The following DOP1B variants were observed in gnomAD, a reference collection of about 807,000 sequenced individuals.
The protein encoded by DOP1B is protein DOP1B.
DOP1B carries 174 observed loss-of-function variants against 233.5 expected under a neutral mutation model. The ratio of observed to expected loss-of-function variants is 0.75; its 90% CI spans 0.66 to 0.85. The LOEUF (loss-of-function observed/expected upper bound fraction) is 0.85. Ranked by LOEUF, DOP1B falls within the 40% of genes least tolerant of loss-of-function variation. DOP1B has a pLI of 0.00. For synonymous variants in DOP1B, 1,190 were observed against 1,185.6 expected (o/e 1.00, Z -0.08); for missense variants, 2,652 against 2,846.6 (o/e 0.93, Z 1.56).
rs748822536 is a variant in DOP1B, at chr21:36,247,535, A to C, written c.4716A>C (p.Glu1572Asp). Residue 1572 changes from glutamate to aspartate, a missense_variant, in exon 20 of 37, where the codon GAA becomes GAC. This residue lies in a region of DOP1B where 2,617 missense variants were observed against 2,794.3 expected (regional missense o/e 0.94). Coordinates refer to ENST00000691173, the MANE Select transcript of DOP1B (RefSeq NM_001320714.2). ...ACCACAGCACAACCTCCAAGAGGGA[A>C]AACATTTCTCCAGATTATCCACTCA... ...KLSVSTTSKRENISPDYPLTL... is the reference protein window; with the variant it reads ...KLSVSTTSKRDNISPDYPLTL... The C allele has an allele frequency of 6.2e-7, 1 of 1,605,446 alleles. No homozygotes were observed. The highest frequency in any genetic ancestry group is 8.5e-7 in the Non-Finnish European group (1 of 1,177,776).
intron 14 of DOP1B, 52 bp from the exon 15 acceptor site, chr21:36,232,752 C>T (rs922431038): frequency 7.5e-6 from 12 of 1,605,022 alleles, no homozygotes; most frequent in Non-Finnish European, 1.0e-5. Flanking sequence ...ACTGGGGACC[C>T]ATTCTCACGT....
intron 23 of DOP1B, among the ~76,000 whole-genome samples, chr21:36,254,568 ACT>A (rs2067070802): frequency 6.6e-6 from 1 of 152,142 alleles, no homozygotes; most frequent in Non-Finnish European, 1.5e-5. Context: ...GGAGATCGAG[ACT>A]CTGTCTTTCT....
intron 1 of DOP1B, among the ~76,000 whole-genome samples, chr21:36,158,747 G>A (rs1344039966): frequency 1.3e-5 from 2 of 150,068 alleles, no homozygotes; most frequent in East Asian, 3.9e-4. Flanking sequence ...AGGTTGCAGT[G>A]AGCCGAAATG....
In DOP1B at chr21:36,164,881, G is replaced by T. The variant is rs372233790; in HGVS notation, c.138+10G>T. The T allele has an allele frequency of 6.7e-5, 105 of 1,566,664 alleles. No homozygotes were observed. Among genetic ancestry groups the T allele is most frequent in the Non-Finnish European group, 8.7e-5 (101 of 1,158,544 alleles). ...TGGCAAACTCAACAAGGTATGTAGG[G>T]TGTATCCTATTTGGATTGCATGGAG... On this transcript the variant is annotated intron_variant, in intron 2 of 36. Coordinates refer to ENST00000691173, the MANE Select transcript of DOP1B (RefSeq NM_001320714.2).
At position 36,247,588 on chromosome 21, in the gene DOP1B, G is replaced by A; in HGVS notation, c.4769G>A (p.Ser1590Asn). 6.2e-7 allele frequency: 1 copy of A among 1,607,812 alleles called. No homozygotes were observed. The change falls in exon 20 of 37, where the codon AGT becomes AAT. Residue 1590 changes from serine (S) to asparagine (N), a missense_variant. By Grantham distance (46) the Ser-to-Asn change is conservative (BLOSUM62 1). This residue lies in a region of DOP1B where 2,617 missense variants were observed against 2,794.3 expected (regional missense o/e 0.94). Coordinates refer to ENST00000691173, the MANE Select transcript of DOP1B (RefSeq NM_001320714.2). Reference protein sequence around the residue: ...LTLLEGLTTISHFCLLEQANQ... With the variant: ...LTLLEGLTTINHFCLLEQANQ... Reference sequence around the variant, plus strand: ...CTTCTAGAAGGTCTAACGACCATTAGTCATTTTTGTCTTTTGGAACAAGCC... The same window carrying A: ...CTTCTAGAAGGTCTAACGACCATTAATCATTTTTGTCTTTTGGAACAAGCC...
intron 23 of DOP1B, among the ~76,000 whole-genome samples, chr21:36,256,124 C>T (rs1038589462): frequency 1.3e-5 from 2 of 152,068 alleles, no homozygotes; most frequent in African/African-American, 4.8e-5. Context: ...TGCCTTCTGT[C>T]GAACAGTTTA....
intron 32 of DOP1B, among the ~76,000 whole-genome samples, chr21:36,284,017 G>A (rs1441299221): frequency 7.6e-6 from 1 of 131,784 alleles, no homozygotes; most frequent in African/African-American, 2.9e-5. Flanking sequence ...GCACAATCTC[G>A]GCTCACTGCA....
intron 26 of DOP1B, among the ~76,000 whole-genome samples, chr21:36,268,142 T>C (rs543230486): frequency 6.6e-6 from 1 of 152,226 alleles, no homozygotes; most frequent in African/African-American, 2.4e-5. Context: ...AGCCTGAGGG[T>C]ACTGCAGGAG....
chr21:36,238,014 A>G (rs1484787441), intron 16 of DOP1B, among the ~76,000 whole-genome samples: 1 of 152,118 alleles, frequency 6.6e-6, no homozygotes, highest in Non-Finnish European at 1.5e-5. Flanking sequence ...CTAAAAATAC[A>G]ATATTAGCCG....
intron 2 of DOP1B, among the ~76,000 whole-genome samples, chr21:36,192,187 C>A (rs1323461637): frequency 3.3e-5 from 5 of 151,854 alleles, no homozygotes; most frequent in Non-Finnish European, 7.4e-5. Context: ...GGCGAAACCC[C>A]ATCTCTACAA....
At chr21:36,179,483 T>G (rs2066070506) in intron 2 of DOP1B, among the ~76,000 whole-genome samples, 1 of 152,232 alleles carries the variant, frequency 6.6e-6, no homozygotes, top group African/African-American at 2.4e-5. Flanking sequence ...TAACTTTGTT[T>G]TAATTCCATA....
rs2067507026 is a variant in DOP1B at position 36,287,944 on chromosome 21, T to C, written c.6161-70T>C. On this transcript the variant is annotated intron_variant, in intron 32 of 36. Transcript: ENST00000691173. ...GAATGTCAGAACAGTCACAGTTTTATTTTTCTTTGTCTGATAAGAAACCCT... is the reference window on the plus strand; with the variant it reads ...GAATGTCAGAACAGTCACAGTTTTACTTTTCTTTGTCTGATAAGAAACCCT... 4.5e-6 allele frequency: 7 copies of C among 1,541,782 alleles called. No individual in the cohort carries two copies. In the South Asian group the frequency reaches 8.7e-5, roughly 19 times the overall value.
Position 36,245,877 on chromosome 21 carries a change from G to A in DOP1B, c.3897G>A (p.Gln1299=). ...GCCAGAGTTTCTACGGAAAGCTCCAGACCCAGGTCCCCAACGTGTGCCCCC... is the reference window on the plus strand; with the variant it reads ...GCCAGAGTTTCTACGGAAAGCTCCAAACCCAGGTCCCCAACGTGTGCCCCC... ...LIGQSFYGKL[Q]TQVPNVCPHS... The change falls in exon 19 of 37, where the codon CAG becomes CAA. Residue 1299 remains glutamine, a synonymous_variant. Coordinates refer to ENST00000691173, the MANE Select transcript of DOP1B (RefSeq NM_001320714.2). The surrounding 1 kb of genome is among the most constrained non-coding windows in gnomAD (Gnocchi z 5.5). 1 of 1,613,740 alleles carries A rather than the reference G, an allele frequency of 6.2e-7. No individual in the cohort carries two copies. Among genetic ancestry groups the A allele is most frequent in the Non-Finnish European group, 8.5e-7 (1 of 1,180,002 alleles).
Position 36,247,617 on chromosome 21 carries a change from C to A in DOP1B, c.4798C>A (p.Gln1600Lys). 1 of 1,573,958 alleles carries A rather than the reference C, an allele frequency of 6.4e-7. No homozygotes were observed. The highest frequency in any genetic ancestry group is 8.5e-7 in the Non-Finnish European group (1 of 1,170,724). Residue 1600 changes from glutamine (Q) to lysine (K), a missense_variant, in exon 20 of 37, where the codon CAA becomes AAA. By Grantham distance (53) the Gln-to-Lys change is moderately conservative. Transcript: ENST00000691173. ...SHFCLLEQAN[Q>K]NKKTMAAGDP... The stretch of plus-strand genomic sequence containing the variant: ...TTTTTGTCTTTTGGAACAAGCCAAC[C>A]AAAACAAAAAGGTAAATTTTTTTTT...
intron 9 of DOP1B, among the ~76,000 whole-genome samples, chr21:36,215,320 C>T (rs77527679): frequency 0.035 from 5,331 of 152,136 alleles, 342 homozygotes; most frequent in African/African-American, 0.12. Context: ...ACCAAAGGCT[C>T]CCTTCTTAGA....
At chr21:36,292,619 T>G (rs2067573209) in intron 36 of DOP1B, among the ~76,000 whole-genome samples, 1 of 149,524 alleles carries the variant, frequency 6.7e-6, no homozygotes, top group African/African-American at 2.4e-5. Context: ...GGGTTTTTTT[T>G]TTTTTTTTTT....
chr21:36,219,428 T>G lies in DOP1B; in HGVS notation c.1186T>G (p.Cys396Gly). ...AGTCATCAGGGCCTTTTATTCTTAC[T>G]GCAGAGATGCCCTTGGCTCTGATCT... ...LEVIRAFYSY[C>G]RDALGSDLKL... Residue 396 changes from cysteine (C) to glycine (G), a missense_variant, in exon 10 of 37, where the codon TGC becomes GGC. By Grantham distance (159) the Cys-to-Gly change is radical. Coordinates refer to ENST00000691173, the MANE Select transcript of DOP1B (RefSeq NM_001320714.2). 6.2e-7 allele frequency: 1 copy of G among 1,614,212 alleles called. No homozygotes were observed.
rs1233166666 is a variant in DOP1B, at chr21:36,292,170, G to A, written c.6582G>A (p.Glu2194=). The A allele has an allele frequency of 1.9e-6, 3 of 1,612,376 alleles. No homozygotes were observed. The highest frequency in any genetic ancestry group is 2.5e-6 in the Non-Finnish European group (3 of 1,179,268). The change falls in exon 36 of 37, where the codon GAG becomes GAA. Residue 2194 remains glutamate (E), a synonymous_variant. Coordinates refer to ENST00000691173, the MANE Select transcript of DOP1B (RefSeq NM_001320714.2). ...EGPAFLSDVE[E]NHQECKPHTV... ...CTGCCTTCCTGTCGGATGTAGAGGA[G>A]AATCACCAAGAATGCAAACCCCACA...
At chr21:36,211,230 C>T (rs2066493634) in intron 5 of DOP1B, among the ~76,000 whole-genome samples, 1 of 152,188 alleles carries the variant, frequency 6.6e-6, no homozygotes, top group Admixed American at 6.5e-5. Flanking sequence ...AATTATTTTC[C>T]CATGTGTCTT....
Sources: allele counts gnomAD v4.1 joint callset (sites outside exome capture counted in the v4.1 genomes callset), GRCh38; gene constraint gnomAD v4.1.1; regional missense constraint gnomAD v4.1.1; non-coding constraint Gnocchi (gnomAD v3.1); transcripts MANE v1.5; gene names NCBI Gene and HGNC (gene_info 2026-07-23, HGNC 2026-07-21).